The following PTGER3 variants were observed in gnomAD, a reference collection of about 807,000 sequenced individuals.
PTGER3 encodes prostaglandin E receptor 3.
In PTGER3, 22 loss-of-function variants were observed where a neutral mutation model predicts 34.7. The ratio of observed to expected loss-of-function variants is 0.63; its 90% confidence interval spans 0.45 to 0.91. The LOEUF (loss-of-function observed/expected upper bound fraction) is 0.91, where lower values mean the gene tolerates loss of function less well. Ranked by LOEUF, PTGER3 falls within the 40% of genes least tolerant of loss-of-function variation. The probability of loss-of-function intolerance (pLI) is 0.00; values close to 1 mark genes in which losing one functional copy is unlikely to be tolerated. For missense variants in PTGER3, 468 were observed against 519.4 expected, an observed-to-expected ratio of 0.90 and a Z score of 0.96; for synonymous variants, 241 against 230.1, an observed-to-expected ratio of 1.05 and a Z score of -0.43.
chr1:71,012,406 T>C lies in PTGER3; in HGVS notation c.976A>G (p.Asn326Asp), dbSNP rs534788525. The change falls in exon 2 of 4, where the codon AAC (asparagine) becomes GAC (aspartate). Residue 326 changes from asparagine (N) to aspartate (D), a missense_variant. Physicochemically the swap from Asn to Asp is conservative, Grantham distance 23. This residue lies in a region of PTGER3 where 204 missense variants were observed against 230.8 expected (regional missense o/e 0.88). Coordinates refer to ENST00000306666, the MANE Select transcript of PTGER3 (RefSeq NM_198719.2). ...KTHTEKQKEC[N>D]FFLIAVRLAS... Reference sequence around the variant, plus strand: ...AGGCGAACAGCTATTAAGAAGAAGTTGCATTCTTTCTGCTTCTCCGTGTGT... The same window carrying C: ...AGGCGAACAGCTATTAAGAAGAAGTCGCATTCTTTCTGCTTCTCCGTGTGT... The C allele has an allele frequency of 6.2e-7, 1 of 1,614,182 alleles. No individual in the cohort carries two copies. The highest frequency in any genetic ancestry group is 1.7e-5 in the Admixed American group (1 of 60,014).
chr1:70,905,300 G>A (rs747497132), intron 4 of PTGER3, among the ~76,000 whole-genome samples: 4 of 152,112 alleles, frequency 2.6e-5, no homozygotes, highest in Non-Finnish European at 5.9e-5. Context: ...CCCACACAGT[G>A]TCCCTACTGG....
At chr1:70,990,160 T>G (rs2100765242) in intron 2 of PTGER3, among the ~76,000 whole-genome samples, 2 of 151,684 alleles carry the variant, frequency 1.3e-5, no homozygotes, top group Admixed American at 1.3e-4. Flanking sequence ...GAGACCAACC[T>G]GGCTAACACG....
chr1:70,938,653 C>T (rs985908228), intron 4 of PTGER3, among the ~76,000 whole-genome samples: 11 of 152,012 alleles, frequency 7.2e-5, no homozygotes, highest in Admixed American at 3.9e-4. Flanking sequence ...GTGAAAGGCA[C>T]TTCTTACATG....
chr1:70,985,603 A>G (rs980367937), intron 2 of PTGER3, among the ~76,000 whole-genome samples: 4 of 152,084 alleles, frequency 2.6e-5, no homozygotes, highest in Non-Finnish European at 1.5e-5. Context: ...TGTTAGTAAT[A>G]ATGTGAACCT....
intron 1 of PTGER3, among the ~76,000 whole-genome samples, chr1:71,014,604 T>C (rs938711942): frequency 6.6e-6 from 1 of 152,050 alleles, no homozygotes; most frequent in Non-Finnish European, 1.5e-5. Flanking sequence ...TTATTATCCT[T>C]ATAAGAAGAG....
At chr1:70,864,175 C>A (rs758511871) in intron 4 of PTGER3, among the ~76,000 whole-genome samples, 3 of 152,070 alleles carry the variant, frequency 2.0e-5, no homozygotes, top group Admixed American at 2.0e-4. Flanking sequence ...CTTATTCTAG[C>A]TATTTACTTC....
chr1:71,031,319 A>G (rs1659399327), intron 1 of PTGER3, among the ~76,000 whole-genome samples: 1 of 151,972 alleles, frequency 6.6e-6, no homozygotes, highest in African/African-American at 2.4e-5. Flanking sequence ...CAAGGCTTCA[A>G]AAGTATGTTA....
At chr1:71,037,684 G>A (rs145208517) in intron 1 of PTGER3, among the ~76,000 whole-genome samples, 61 of 152,318 alleles carry the variant, frequency 4.0e-4, no homozygotes, top group African/African-American at 1.4e-3. Context: ...AGGAGGATTA[G>A]AGTCGTTAAT....
At chr1:70,984,056 T>G (rs1175619320) in intron 2 of PTGER3, among the ~76,000 whole-genome samples, 1 of 152,140 alleles carries the variant, frequency 6.6e-6, no homozygotes, top group Non-Finnish European at 1.5e-5. Context: ...TGTGACTATC[T>G]GCTATGTTGC....
At chr1:70,933,467 C>T (rs369268310) in intron 4 of PTGER3, among the ~76,000 whole-genome samples, 11 of 152,220 alleles carry the variant, frequency 7.2e-5, no homozygotes, top group African/African-American at 2.2e-4. Context: ...TAATATTTGC[C>T]GATATCATTT....
intron 4 of PTGER3, among the ~76,000 whole-genome samples, chr1:70,910,265 C>T (rs1647033490): frequency 1.3e-5 from 2 of 152,150 alleles, no homozygotes; most frequent in South Asian, 4.1e-4. Context: ...CAAGTGACAC[C>T]CAGTTTCTGC....
At chr1:70,963,165 C>T (rs1652122961) in intron 2 of PTGER3, among the ~76,000 whole-genome samples, 1 of 152,212 alleles carries the variant, frequency 6.6e-6, no homozygotes, top group Non-Finnish European at 1.5e-5. Flanking sequence ...AAGGTGGGTT[C>T]TCATAATCTG....
At position 70,971,491 on chromosome 1, in the gene PTGER3, A is replaced by C; in HGVS notation, c.*239T>G. On this transcript the variant is annotated 3_prime_UTR_variant, in exon 4 of 4. Coordinates refer to ENST00000306666, the MANE Select transcript of PTGER3 (RefSeq NM_198719.2). ...ATCATCATCTGTGAAATTCTTCCCAACTTCTTAAATGCATATTCAAAATCC... is the reference window on the plus strand; with the variant it reads ...ATCATCATCTGTGAAATTCTTCCCACCTTCTTAAATGCATATTCAAAATCC... 8.4e-7 allele frequency: 1 copy of C among 1,188,906 alleles called. No homozygotes were observed. Among genetic ancestry groups the C allele is most frequent in the Non-Finnish European group, 1.0e-6 (1 of 955,370 alleles). The allele number at this position is 1,188,906 out of a possible 1,614,324, so 73.6% of individuals were successfully genotyped here. A position where few individuals can be genotyped will look rare whatever the true frequency, so the allele number is the denominator to read the frequency against.
At chr1:70,985,336 C>T (rs1190527575) in intron 2 of PTGER3, among the ~76,000 whole-genome samples, 1 of 152,118 alleles carries the variant, frequency 6.6e-6, no homozygotes, top group Non-Finnish European at 1.5e-5. Flanking sequence ...TGAAGTCTCC[C>T]TGGGGCTTAT....
At chr1:70,900,091 T>G (rs1023867875) in intron 4 of PTGER3, among the ~76,000 whole-genome samples, 1 of 152,224 alleles carries the variant, frequency 6.6e-6, no homozygotes, top group African/African-American at 2.4e-5. Context: ...ATTTTCTTCC[T>G]TATTTTCTTC....
At chr1:70,933,652 A>G (rs905324234) in intron 4 of PTGER3, among the ~76,000 whole-genome samples, 1 of 152,164 alleles carries the variant, frequency 6.6e-6, no homozygotes, top group Non-Finnish European at 1.5e-5. Context: ...TCAGAAGCAG[A>G]AGACCCTTTT....
At position 71,012,349 on chromosome 1, in the gene PTGER3, C is replaced by A. The variant is rs1395647928; in HGVS notation, c.1033G>T (p.Val345Phe). ...AGGATCTTTCTTAACAGCAGGTAAA[C>A]CCAAGGATCCAAGATCTGGTTCAGT... The part of the protein sequence containing the change: ...ASLNQILDPW[V>F]YLLLRKILLR... Residue 345 changes from valine (V) to phenylalanine (F), a missense_variant, in exon 2 of 4, where the codon GTT becomes TTT. This residue lies in a region of PTGER3 where 3 missense variants were observed against 17.5 expected (regional missense o/e 0.17). Transcript: ENST00000306666. 1 of 1,614,026 alleles carries A rather than the reference C, an allele frequency of 6.2e-7. No homozygotes were observed. Among genetic ancestry groups the A allele is most frequent in the African/African-American group, 1.3e-5 (1 of 74,926 alleles).
chr1:70,892,998 C>T (rs1179567385), intron 4 of PTGER3, among the ~76,000 whole-genome samples: 3 of 151,450 alleles, frequency 2.0e-5, no homozygotes, highest in Non-Finnish European at 4.4e-5. Context: ...AGGTGATTGC[C>T]TCTTGGAAAG....
intron 2 of PTGER3, among the ~76,000 whole-genome samples, chr1:70,960,457 A>C (rs967860274): frequency 6.6e-6 from 1 of 152,096 alleles, no homozygotes; most frequent in Non-Finnish European, 1.5e-5. Flanking sequence ...CCCTTCCAAA[A>C]GGTGAAAAAA....
Sources: gnomAD v4.1 joint callset for allele counts (sites outside exome capture counted in the v4.1 genomes callset) on GRCh38, gnomAD v4.1.1 for gene constraint, gnomAD v4.1.1 regional missense constraint, MANE v1.5 for transcripts, NCBI Gene and HGNC (gene_info 2026-07-23, HGNC 2026-07-21) for gene names.